Variants in RBFOX2 observed in about 807,000 individuals in gnomAD.
RBFOX2 encodes RNA binding fox-1 homolog 2, also known as RNA binding protein fox-1 homolog 2.
Under a neutral mutation model 49.1 loss-of-function variants are expected in RBFOX2, and 10 were observed. The observed-to-expected ratio is 0.20, with a 90% confidence interval of 0.13 to 0.35. The LOEUF (loss-of-function observed/expected upper bound fraction) is 0.35, where lower values mean the gene tolerates loss of function less well. Ranked by LOEUF, RBFOX2 falls within the 10% of genes least tolerant of loss-of-function variation. RBFOX2 has a pLI of 1.00. For synonymous variants in RBFOX2, 183 were observed against 187.4 expected (o/e 0.98, Z 0.19); for missense variants, 323 against 486.9 (o/e 0.66, Z 3.17).
At chr22:35,955,332 T>C (rs1366501558) in intron 1 of RBFOX2, among the ~76,000 whole-genome samples, 2 of 152,228 alleles carry the variant, frequency 1.3e-5, no homozygotes, top group East Asian at 1.9e-4. Context: ...TTTAAAAATA[T>C]GTTAATTCCT....
intron 1 of RBFOX2, among the ~76,000 whole-genome samples, chr22:35,926,611 TA>T (rs2051667474): frequency 6.6e-6 from 1 of 151,988 alleles, no homozygotes; most frequent in Non-Finnish European, 1.5e-5. Context: ...GAGGCAAAGC[TA>T]GGGGGAAAAG....
intron 1 of RBFOX2, among the ~76,000 whole-genome samples, chr22:35,953,923 T>C (rs944661859): frequency 1.3e-5 from 2 of 152,174 alleles, no homozygotes; most frequent in African/African-American, 2.4e-5. Flanking sequence ...AGATAAAATG[T>C]TTCTAAATTA....
intron 2 of RBFOX2, 116 bp from the exon 4 acceptor site, chr22:35,781,862 C>A: frequency 8.2e-7 from 1 of 1,223,958 alleles, no homozygotes; most frequent in Non-Finnish European, 1.1e-6. Flanking sequence ...TCACAGTAGT[C>A]CCTTCAAAGA....
chr22:35,838,166 G>A (rs1428714828), intron 1 of RBFOX2, among the ~76,000 whole-genome samples: 3 of 151,838 alleles, frequency 2.0e-5, no homozygotes, highest in Non-Finnish European at 4.4e-5. Context: ...AGGGCTCTAA[G>A]GTTAAGCAAG....
chr22:35,900,593 T>TAA (rs34716261), intron 1 of RBFOX2, among the ~76,000 whole-genome samples: 4,226 of 136,600 alleles, frequency 0.031, 73 homozygotes, highest in South Asian at 0.072. Context: ...GAAGCTGACT[T>TAA]AAAAAAAAAA....
At chr22:35,778,210 G>T in intron 3 of RBFOX2, 132 bp from the exon 5 acceptor site, 2 of 738,648 alleles carry the variant, frequency 2.7e-6, no homozygotes, top group Non-Finnish European at 4.4e-6. Context: ...GTTTGTATTT[G>T]TTAGTAAGTT....
At position 36,011,498 on chromosome 22, in the gene RBFOX2, T is replaced by C. The variant is rs185831387; in HGVS notation, c.186+16742A>G. ...GCTAATAAATAGAAAAAAATATATA[T>C]ACATATATAAACTGATACGAAATAA... On this transcript the variant is annotated intron_variant, in intron 1 of 13. Transcript: ENST00000438146. Among the ~76,000 whole-genome samples, 153 of 152,100 alleles carry C rather than the reference T, an allele frequency of 1.0e-3. 1 individual carries two copies. The highest frequency in any genetic ancestry group is 3.6e-3 in the African/African-American group (151 of 41,488).
chr22:35,998,696 T>C (rs886402094), intron 1 of RBFOX2: 1 of 152,108 alleles, frequency 6.6e-6, no homozygotes, highest in Non-Finnish European at 1.5e-5. Context: ...ATATTTCATA[T>C]AAAATGAGTG....
intron 6 of RBFOX2, among the ~76,000 whole-genome samples, chr22:35,762,389 C>T (rs1325839453): frequency 6.6e-6 from 1 of 151,750 alleles, no homozygotes; most frequent in African/African-American, 2.4e-5. Flanking sequence ...AGCAAAAATA[C>T]TCTATATTAT....
chr22:35,781,520 G>T lies in RBFOX2; in HGVS notation c.399+80C>A. ...AATCTATTTGTAGTTTAATCCTAAA[G>T]TAATAATGACTAATAACACATCTGG... On this transcript the variant is annotated intron_variant, in intron 3 of 11. Coordinates refer to ENST00000405409, the Ensembl canonical transcript of RBFOX2. The T allele has an allele frequency of 2.7e-6, 4 of 1,502,524 alleles. No homozygotes were observed. In the South Asian group the frequency reaches 5.0e-5, roughly 19 times the overall value. The allele number at this position is 1,502,524 out of a possible 1,614,324, so 93.1% of individuals were successfully genotyped here. A position where few individuals can be genotyped will look rare whatever the true frequency, so the allele number is the denominator to read the frequency against.
intron 1 of RBFOX2, 142 bp downstream of exon 2, chr22:35,938,705 T>C (rs1463120147): frequency 1.4e-6 from 1 of 725,164 alleles, no homozygotes; most frequent in African/African-American, 1.8e-5. Flanking sequence ...AATTTACATC[T>C]GTAAAAGTAA....
At chr22:35,980,719 C>T (rs1004291594) in intron 1 of RBFOX2, among the ~76,000 whole-genome samples, 1 of 151,820 alleles carries the variant, frequency 6.6e-6, no homozygotes, top group Non-Finnish European at 1.5e-5. Flanking sequence ...ATTTACAAGA[C>T]AAAAAAGAGG....
At chr22:35,897,142 G>T in intron 1 of RBFOX2, 4 of 525,434 alleles carry the variant, frequency 7.6e-6, no homozygotes, top group South Asian at 3.0e-5. Flanking sequence ...AACCTCAAAT[G>T]TTTTAATGGT....
intron 1 of RBFOX2, among the ~76,000 whole-genome samples, chr22:35,872,598 C>T (rs1047084841): frequency 2.0e-5 from 3 of 152,140 alleles, no homozygotes; most frequent in African/African-American, 7.2e-5. Flanking sequence ...TCAGTGGCCT[C>T]GGCTCTCCTC....
At chr22:35,750,796 C>T (rs1270763249) in intron 9 of RBFOX2, among the ~76,000 whole-genome samples, 1 of 152,246 alleles carries the variant, frequency 6.6e-6, no homozygotes, top group East Asian at 1.9e-4. Flanking sequence ...TTCTAATCCA[C>T]AGCATTCTGC....
intron 1 of RBFOX2, among the ~76,000 whole-genome samples, chr22:35,931,404 T>C (rs1381956149): frequency 1.3e-5 from 2 of 151,990 alleles, no homozygotes; most frequent in African/African-American, 4.8e-5. Context: ...TGAACCATTT[T>C]AATTCAGTCT....
At chr22:35,972,390 G>C (rs1039790488) in intron 1 of RBFOX2, among the ~76,000 whole-genome samples, 1 of 150,448 alleles carries the variant, frequency 6.6e-6, no homozygotes, top group African/African-American at 2.5e-5. Flanking sequence ...AAGTCAAACC[G>C]CTTATATTCG....
chr22:35,795,628 CAAAA>C (rs139555281), intron 2 of RBFOX2, among the ~76,000 whole-genome samples: 2 of 33,570 alleles, frequency 6.0e-5, no homozygotes, highest in African/African-American at 1.1e-4. Context: ...TGTAGAAAAG[CAAAA>C]AAAAAAAAAA....
chr22:35,959,220 C>G (rs1217589093), intron 1 of RBFOX2, among the ~76,000 whole-genome samples: 1 of 152,166 alleles, frequency 6.6e-6, no homozygotes, highest in African/African-American at 2.4e-5. Flanking sequence ...GGTATTATTT[C>G]CATTATCAGG....
Sources: gnomAD v4.1 joint callset for allele counts (sites outside exome capture counted in the v4.1 genomes callset) on GRCh38, gnomAD v4.1.1 for gene constraint, MANE v1.5 for transcripts, NCBI Gene and HGNC (gene_info 2026-07-23, HGNC 2026-07-21) for gene names.